Variants in KLRG2 observed in about 807,000 individuals in gnomAD.
KLRG2 encodes killer cell lectin-like receptor subfamily G member 2.
In KLRG2, 39 loss-of-function variants were observed where a neutral mutation model predicts 35.4. That is an observed-to-expected ratio of 1.10 (90% CI 0.85 to 1.44). The LOEUF (loss-of-function observed/expected upper bound fraction) is 1.44. KLRG2 is among the 40% of genes most tolerant of loss of function. The probability of loss-of-function intolerance (pLI) is 0.00; values close to 1 mark genes in which losing one functional copy is unlikely to be tolerated. For synonymous variants in KLRG2, 283 were observed against 265.8 expected (o/e 1.06, Z -0.63); for missense variants, 632 against 570.9 (o/e 1.11, Z -1.09).
At chr7:139,467,659 C>T (rs781279516) in intron 3 of KLRG2, among the ~76,000 whole-genome samples, 1 of 150,374 alleles carries the variant, frequency 6.7e-6, no homozygotes, top group Admixed American at 6.6e-5. Context: ...AGAGTCATCA[C>T]CACTCCCTAA....
chr7:139,466,343 C>T (rs961144226), intron 3 of KLRG2, among the ~76,000 whole-genome samples: 3 of 152,242 alleles, frequency 2.0e-5, no homozygotes, highest in African/African-American at 4.8e-5. Context: ...CATAATTCCT[C>T]GGTTTGGCCT....
rs1797011870 is a variant in KLRG2, at chr7:139,483,551, T to C, written c.92A>G (p.Gln31Arg). 1 of 1,599,036 alleles carries C rather than the reference T, an allele frequency of 6.3e-7. No individual in the cohort carries two copies. The highest frequency in any genetic ancestry group is 8.5e-7 in the Non-Finnish European group (1 of 1,179,054). ...PVGSLVPTLEQPQVPAKVRQP... is the reference protein window; with the variant it reads ...PVGSLVPTLERPQVPAKVRQP... ...TCGCACCTTCGCGGGCACCTGCGGC[T>C]GCTCCAGCGTGGGGACCAGGCTTCC... The change falls in exon 1 of 5, where the codon CAG (glutamine) becomes CGG (arginine). Residue 31 changes from glutamine to arginine, a missense_variant. By Grantham distance (43) the Gln-to-Arg change is conservative. Transcript: ENST00000340940.
At chr7:139,467,704 G>T (rs924969534) in intron 3 of KLRG2, among the ~76,000 whole-genome samples, 2 of 150,954 alleles carry the variant, frequency 1.3e-5, no homozygotes, top group Non-Finnish European at 2.9e-5. Flanking sequence ...ACTGCGGAAG[G>T]CCGCAGGTTC....
chr7:139,482,867 G>C lies in KLRG2; in HGVS notation c.757+19C>G, dbSNP rs1342036180. On this transcript the variant is annotated intron_variant, in intron 1 of 4. Transcript: ENST00000340940. ...ACCCGACCTGGCGGCGTCGGCTGCC[G>C]GCGCAGGTGAGCACTCACCCGTAAG... 1.4e-6 allele frequency: 2 copies of C among 1,385,794 alleles called. No homozygotes were observed. Among genetic ancestry groups the C allele is most frequent in the African/African-American group, 1.5e-5 (1 of 66,186 alleles). 85.8% of individuals were successfully genotyped at this position (1,385,794 alleles called of 1,614,324 possible).
intron 3 of KLRG2, among the ~76,000 whole-genome samples, chr7:139,459,304 G>A (rs564195360): frequency 6.6e-6 from 1 of 152,276 alleles, no homozygotes; most frequent in East Asian, 1.9e-4. Context: ...TGCTCAATCT[G>A]TCTGTCTCAG....
rs970881773 is a variant in KLRG2 at position 139,473,533 on chromosome 7, G to A, written c.1005+6094C>T. ...ATTTAGTACTTTACTCTCAATGACA[G>A]CAGCTGAGGATCACAACATTTGAGG... On this transcript the variant is annotated intron_variant, in intron 3 of 4. Coordinates refer to ENST00000340940, the MANE Select transcript of KLRG2 (RefSeq NM_198508.4). Among the ~76,000 whole-genome samples, 53 of 152,082 alleles carry A rather than the reference G, an allele frequency of 3.5e-4. 1 individual carries two copies. Among genetic ancestry groups the A allele is most frequent in the Admixed American group, 3.3e-3 (51 of 15,262 alleles).
chr7:139,440,966 G>A, the KLRG2 span, among the ~76,000 whole-genome samples: 608 of 152,214 alleles, frequency 4.0e-3, 6 homozygotes, highest in African/African-American at 0.013. Context: ...TATTGAGGCC[G>A]GCCATGGTGG....
chr7:139,428,207 C>T, the KLRG2 span, among the ~76,000 whole-genome samples: 58,376 of 152,016 alleles, frequency 0.38, 15,634 homozygotes, highest in African/African-American at 0.76. Context: ...GATAAAAAAC[C>T]GATAGTTATC....
At chr7:139,445,907 C>G in the KLRG2 span, among the ~76,000 whole-genome samples, 1 of 151,102 alleles carries the variant, frequency 6.6e-6, no homozygotes, top group East Asian at 1.9e-4. Context: ...TCTCGGCTCA[C>G]TGCAGCCTCC....
intron 3 of KLRG2, among the ~76,000 whole-genome samples, chr7:139,458,309 T>A (rs1377486875): frequency 6.6e-6 from 1 of 151,318 alleles, no homozygotes; most frequent in Non-Finnish European, 1.5e-5. Flanking sequence ...CCCCGGGAGG[T>A]CGAGGCTGCA....
intron 3 of KLRG2, among the ~76,000 whole-genome samples, chr7:139,477,881 C>T (rs1211507229): frequency 2.0e-5 from 3 of 152,020 alleles, no homozygotes; most frequent in African/African-American, 7.2e-5. Context: ...GCCTCAGCCT[C>T]TGGAGTAGCT....
rs1279807232 is a variant in KLRG2 at position 139,476,786 on chromosome 7, T to C, written c.1005+2841A>G. ...TGTTTTTGGAAAGGCACATGCTGCCTTGCTCACCTTGACCTTCAGGTCACA... is the reference window on the plus strand; with the variant it reads ...TGTTTTTGGAAAGGCACATGCTGCCCTGCTCACCTTGACCTTCAGGTCACA... On this transcript the variant is annotated intron_variant, in intron 3 of 4. Transcript: ENST00000340940. Among the ~76,000 whole-genome samples the C allele has an allele frequency of 3.3e-5, 5 of 152,172 alleles. No individual in the cohort carries two copies. In the East Asian group the frequency reaches 9.6e-4, roughly 29 times the overall value.
intron 3 of KLRG2, among the ~76,000 whole-genome samples, chr7:139,455,391 G>A (rs549455169): frequency 4.4e-4 from 65 of 147,584 alleles, no homozygotes; most frequent in Non-Finnish European, 8.9e-4. Context: ...GCGCGATCTC[G>A]GCTCACTGCA....
the KLRG2 span, among the ~76,000 whole-genome samples, chr7:139,445,115 C>A: frequency 4.7e-5 from 7 of 148,260 alleles, no homozygotes; most frequent in Admixed American, 4.1e-4. Context: ...GTCTCTCATT[C>A]TTTCACCCAG....
chr7:139,465,691 C>CAAAAAAAAAAAA (rs573464243), intron 3 of KLRG2, among the ~76,000 whole-genome samples: 4 of 95,254 alleles, frequency 4.2e-5, no homozygotes, highest in South Asian at 3.4e-4. Context: ...GACTCTGTCT[C>CAAAAAAAAAAAA]AAAAAAAAAA....
chr7:139,428,216 T>C, the KLRG2 span, among the ~76,000 whole-genome samples: 3 of 152,210 alleles, frequency 2.0e-5, no homozygotes, highest in Non-Finnish European at 4.4e-5. Context: ...CCGATAGTTA[T>C]CCAAATAACA....
the KLRG2 span, among the ~76,000 whole-genome samples, chr7:139,443,374 C>G: frequency 1.8e-4 from 28 of 152,108 alleles, no homozygotes; most frequent in Non-Finnish European, 3.7e-4. Context: ...GAGTGAGTCA[C>G]TGGCACCTGG....
chr7:139,436,972 T>A, the KLRG2 span, among the ~76,000 whole-genome samples: 1 of 152,148 alleles, frequency 6.6e-6, no homozygotes, highest in African/African-American at 2.4e-5. Context: ...ACCCGGACTG[T>A]GTGTGCAAGG....
intron 3 of KLRG2, among the ~76,000 whole-genome samples, chr7:139,468,526 T>G (rs1000239582): frequency 6.6e-6 from 1 of 152,114 alleles, no homozygotes; most frequent in Admixed American, 6.6e-5. Context: ...TCCTATAAAA[T>G]GGCCCCACCC....
Sources: allele counts gnomAD v4.1 joint callset (sites outside exome capture counted in the v4.1 genomes callset), GRCh38; gene constraint gnomAD v4.1.1; transcripts MANE v1.5; gene names NCBI Gene and HGNC (gene_info 2026-07-23, HGNC 2026-07-21).